SEMA3E: variants seen among roughly 807,000 people sequenced by gnomAD.
SEMA3E encodes semaphorin-3E.
SEMA3E carries 49 observed loss-of-function variants against 93.6 expected under a neutral mutation model. The observed-to-expected ratio is 0.52, with a 90% CI of 0.42 to 0.66. The LOEUF is 0.66. SEMA3E is among the 30% of genes least tolerant of loss of function. The probability of loss-of-function intolerance (pLI) is 0.00; values close to 1 mark genes in which losing one functional copy is unlikely to be tolerated. For missense variants in SEMA3E, 906 were observed against 964.8 expected, an observed-to-expected ratio of 0.94 and a Z score of 0.81; for synonymous variants, 363 against 330.7, an observed-to-expected ratio of 1.10 and a Z score of -1.06.
At chr7:83,621,202 C>A (rs1170893780) in intron 1 of SEMA3E, among the ~76,000 whole-genome samples, 1 of 151,962 alleles carries the variant, frequency 6.6e-6, no homozygotes, top group Non-Finnish European at 1.5e-5. Context: ...ACACAAACAA[C>A]AGGCATGCAG....
chr7:83,611,826 T>G (rs1350658591), intron 1 of SEMA3E, among the ~76,000 whole-genome samples: 1 of 152,090 alleles, frequency 6.6e-6, no homozygotes, highest in Non-Finnish European at 1.5e-5. Flanking sequence ...GATTCCGGCC[T>G]TTTCAGTCTG....
intron 1 of SEMA3E, among the ~76,000 whole-genome samples, chr7:83,593,095 A>T (rs215315): frequency 0.25 from 38,646 of 151,956 alleles, 4,965 homozygotes; most frequent in Middle Eastern, 0.3. Flanking sequence ...TTGGATTACA[A>T]GTGGGATCCA....
intron 16 of SEMA3E, among the ~76,000 whole-genome samples, chr7:83,379,105 G>A (rs1787719715): frequency 6.6e-6 from 1 of 151,750 alleles, no homozygotes. Flanking sequence ...TAGCAACATG[G>A]ATGGAACTGG....
intron 1 of SEMA3E, among the ~76,000 whole-genome samples, chr7:83,600,589 C>T (rs1340513614): frequency 2.7e-5 from 4 of 148,408 alleles, no homozygotes; most frequent in Non-Finnish European, 4.4e-5. Flanking sequence ...CCTCGTGATC[C>T]GCCCTCCTCG....
At chr7:83,386,480 C>T (rs1787885490) in intron 15 of SEMA3E, among the ~76,000 whole-genome samples, 1 of 152,116 alleles carries the variant, frequency 6.6e-6, no homozygotes, top group Non-Finnish European at 1.5e-5. Flanking sequence ...CCATCAGTTA[C>T]CACCACCCTA....
chr7:83,369,253 A>G (rs1794719036), intron 16 of SEMA3E, among the ~76,000 whole-genome samples: 1 of 152,202 alleles, frequency 6.6e-6, no homozygotes, highest in Admixed American at 6.5e-5. Context: ...AATAAAGGCT[A>G]TTAATGATAA....
intron 2 of SEMA3E, among the ~76,000 whole-genome samples, chr7:83,486,880 C>T (rs1331805260): frequency 1.3e-5 from 2 of 152,056 alleles, no homozygotes; most frequent in Non-Finnish European, 2.9e-5. Flanking sequence ...AAGTTGTATA[C>T]ATTTTGGGCT....
At chr7:83,409,897 A>G (rs763247890) in intron 5 of SEMA3E, among the ~76,000 whole-genome samples, 68 of 151,774 alleles carry the variant, frequency 4.5e-4, no homozygotes, top group Non-Finnish European at 8.3e-4. Flanking sequence ...AAAATGATCA[A>G]TTAAATTATA....
chr7:83,561,152 A>G (rs999499768), intron 1 of SEMA3E, among the ~76,000 whole-genome samples: 3 of 152,084 alleles, frequency 2.0e-5, no homozygotes, highest in African/African-American at 7.2e-5. Flanking sequence ...CAAATTGTGC[A>G]CAATATTGCC....
At chr7:83,612,637 T>C (rs1038524218) in intron 1 of SEMA3E, 2 of 152,112 alleles carry the variant, frequency 1.3e-5, no homozygotes, top group Non-Finnish European at 2.9e-5. Flanking sequence ...TGTAGGTTCG[T>C]CCAGTTTGAA....
intron 1 of SEMA3E, among the ~76,000 whole-genome samples, chr7:83,505,893 C>T (rs966276664): frequency 4.6e-5 from 7 of 150,830 alleles, no homozygotes; most frequent in African/African-American, 1.2e-4. Flanking sequence ...CACATGCCTG[C>T]AGTCCCAGCT....
rs148553653 is a variant in SEMA3E, at chr7:83,432,269, AG to A, written c.457-13787del. ...AAATAGTTTTACACAATTGCATTTG[AG>A]GGTTTTTTTTTTTGTTGTGTGGCAA... On this transcript the variant is annotated intron_variant, in intron 4 of 16. Transcript: ENST00000643230. Among the ~76,000 whole-genome samples, 1,421 of 135,490 alleles carry A rather than the reference AG, an allele frequency of 0.01. 38 individuals are homozygous for A. In the East Asian group the frequency reaches 0.11, roughly 10 times the overall value. 88.9% of individuals were successfully genotyped at this position (135,490 alleles called of 152,430 possible).
chr7:83,606,782 A>C (rs562323063), intron 1 of SEMA3E, among the ~76,000 whole-genome samples: 1 of 151,922 alleles, frequency 6.6e-6, no homozygotes, highest in Non-Finnish European at 1.5e-5. Context: ...AAAATTAAAA[A>C]AAAAAATCAG....
chr7:83,491,270 G>A (rs528529312), intron 1 of SEMA3E, among the ~76,000 whole-genome samples: 16 of 152,128 alleles, frequency 1.1e-4, no homozygotes, highest in Non-Finnish European at 1.9e-4. Flanking sequence ...ATATGCCTCT[G>A]TATTAATAAT....
chr7:83,458,356 A>G (rs1409769131), intron 4 of SEMA3E, among the ~76,000 whole-genome samples: 2 of 151,672 alleles, frequency 1.3e-5, no homozygotes, highest in Non-Finnish European at 2.9e-5. Flanking sequence ...ATATTTATTT[A>G]TTTTTAAAAA....
chr7:83,479,549 G>A (rs114448285), intron 2 of SEMA3E, among the ~76,000 whole-genome samples: 1,760 of 152,258 alleles, frequency 0.012, 30 homozygotes, highest in African/African-American at 0.04. Context: ...TCTAGCTTCA[G>A]TTATAACAAT....
At chr7:83,389,446 G>A (rs1387463927) in intron 14 of SEMA3E, among the ~76,000 whole-genome samples, 2 of 126,310 alleles carry the variant, frequency 1.6e-5, no homozygotes, top group Non-Finnish European at 3.7e-5. Flanking sequence ...GATAAGCAAT[G>A]TCAAGAACTG....
At chr7:83,638,936 C>G (rs1261736978) in intron 1 of SEMA3E, among the ~76,000 whole-genome samples, 2 of 150,740 alleles carry the variant, frequency 1.3e-5, no homozygotes, top group Non-Finnish European at 3.0e-5. Flanking sequence ...ATGGTGAAAC[C>G]CTGTCTCTAC....
intron 2 of SEMA3E, among the ~76,000 whole-genome samples, chr7:83,480,862 T>C (rs1268296133): frequency 2.6e-5 from 4 of 152,202 alleles, no homozygotes; most frequent in Non-Finnish European, 4.4e-5. Context: ...TTATCTCTTC[T>C]GGTCGCATCT....
Sources: gnomAD v4.1 joint callset for allele counts (sites outside exome capture counted in the v4.1 genomes callset) on GRCh38, gnomAD v4.1.1 for gene constraint, MANE v1.5 for transcripts, NCBI Gene and HGNC (gene_info 2026-07-23, HGNC 2026-07-21) for gene names.